GLIS3: variants seen among roughly 807,000 people sequenced by gnomAD.
The protein encoded by GLIS3 is zinc finger protein GLIS3.
GLIS3 carries 53 observed loss-of-function variants against 78.6 expected under a neutral mutation model. The observed-to-expected ratio is 0.67, with a 90% CI of 0.54 to 0.85. The LOEUF (loss-of-function observed/expected upper bound fraction) is 0.85. Ranked by LOEUF, GLIS3 falls within the 40% of genes least tolerant of loss-of-function variation. GLIS3 has a pLI of 0.00. For synonymous variants in GLIS3, 684 were observed against 509.9 expected (o/e 1.34, Z -4.60); for missense variants, 1,703 against 1,231.1 (o/e 1.38, Z -5.74).
chr9:4,353,301 CT>C (rs754733697), upstream of GLIS3, among the ~76,000 whole-genome samples: 1 of 152,154 alleles, frequency 6.6e-6, no homozygotes. Context: ...ACTCCACTGT[CT>C]TTTTTGTGCA....
intron 4 of GLIS3, among the ~76,000 whole-genome samples, chr9:3,997,414 A>G (rs1347913418): frequency 2.0e-5 from 3 of 151,924 alleles, no homozygotes; most frequent in Non-Finnish European, 4.4e-5. Flanking sequence ...GAGTTGTAAC[A>G]TTCAATAAAC....
chr9:3,906,320 T>G (rs1823696057), intron 6 of GLIS3, among the ~76,000 whole-genome samples: 1 of 152,142 alleles, frequency 6.6e-6, no homozygotes, highest in African/African-American at 2.4e-5. Context: ...TACAACAATC[T>G]GGATGAAAGA....
chr9:4,248,097 T>C (rs1823975338), intron 2 of GLIS3, among the ~76,000 whole-genome samples: 1 of 152,210 alleles, frequency 6.6e-6, no homozygotes, highest in South Asian at 2.1e-4. Context: ...TTCAACTTTT[T>C]TCTTATTATA....
At position 4,208,151 on chromosome 9, in the gene GLIS3, T is replaced by G. The variant is rs373075887; in HGVS notation, c.388+77887A>C. ...AGTCCCCTGGGAGAAAAGCTTTTAT[T>G]TGACAAAGCAGATTCTTGCCACACA... On this transcript the variant is annotated intron_variant, in intron 2 of 10. Coordinates refer to ENST00000381971, the MANE Select transcript of GLIS3 (RefSeq NM_001042413.2). Among the ~76,000 whole-genome samples, 8 of 152,336 alleles carry G rather than the reference T, an allele frequency of 5.3e-5. No homozygotes were observed. The East Asian group carries it at 9.6e-4, about 18-fold the overall frequency.
chr9:4,248,962 G>T (rs960491599), intron 2 of GLIS3, among the ~76,000 whole-genome samples: 1 of 152,008 alleles, frequency 6.6e-6, no homozygotes, highest in Non-Finnish European at 1.5e-5. Context: ...TATTTCTGAG[G>T]CCTCTGTTCT....
At chr9:4,230,317 C>T (rs1396903614) in intron 2 of GLIS3, among the ~76,000 whole-genome samples, 4 of 152,160 alleles carry the variant, frequency 2.6e-5, no homozygotes, top group African/African-American at 9.7e-5. Flanking sequence ...AGGCCAGAAG[C>T]AGGCAGGGGC....
intron 2 of GLIS3, among the ~76,000 whole-genome samples, chr9:4,159,357 T>C (rs746095165): frequency 5.8e-4 from 88 of 152,318 alleles, no homozygotes; most frequent in Middle Eastern, 3.4e-3. Context: ...ACCCTTTCTA[T>C]GCAAAGTTAA....
intron 2 of GLIS3, among the ~76,000 whole-genome samples, chr9:4,146,288 T>C (rs987986145): frequency 6.6e-6 from 1 of 152,226 alleles, no homozygotes; most frequent in Non-Finnish European, 1.5e-5. Flanking sequence ...TTTGAAACCG[T>C]TGAATATCTA....
At chr9:3,862,944 G>T (rs1473017050) in intron 8 of GLIS3, among the ~76,000 whole-genome samples, 1 of 152,052 alleles carries the variant, frequency 6.6e-6, no homozygotes. Flanking sequence ...GAATTGTGGG[G>T]TATCATCTGT....
intron 6 of GLIS3, among the ~76,000 whole-genome samples, chr9:3,906,773 C>A (rs1277697300): frequency 6.6e-6 from 1 of 152,214 alleles, no homozygotes; most frequent in Non-Finnish European, 1.5e-5. Flanking sequence ...TCTTCATGTA[C>A]TGCTTAACAC....
At chr9:4,004,131 C>T (rs1277751941) in intron 4 of GLIS3, among the ~76,000 whole-genome samples, 1 of 152,016 alleles carries the variant, frequency 6.6e-6, no homozygotes, top group Non-Finnish European at 1.5e-5. Context: ...CAGACATGAA[C>T]AAATAAATAT....
intron 4 of GLIS3, among the ~76,000 whole-genome samples, chr9:4,032,955 A>G (rs1168032119): frequency 1.3e-5 from 2 of 151,446 alleles, no homozygotes; most frequent in Non-Finnish European, 2.9e-5. Context: ...CCGGGTTCAC[A>G]CCATTCTGCT....
rs1818927724 is a variant in GLIS3 at position 3,977,991 on chromosome 9, C to T, written c.1711-40802G>A. ...CCGCTGGGTGCACCCTCCGCTGCTC[C>T]AAACCTGAGAGACAAATGGGAGGTC... On this transcript the variant is annotated intron_variant, in intron 4 of 10. Transcript: ENST00000381971. The surrounding 1 kb of genome is among the most constrained non-coding windows in gnomAD (Gnocchi z 4.1). Among the ~76,000 whole-genome samples, 5 of 152,216 alleles carry T rather than the reference C, an allele frequency of 3.3e-5. No individual in the cohort carries two copies. Among genetic ancestry groups the T allele is most frequent in the Admixed American group, 1.3e-4 (2 of 15,280 alleles).
At chr9:4,212,882 T>TGC in intron 2 of GLIS3, among the ~76,000 whole-genome samples, 1 of 151,920 alleles carries the variant, frequency 6.6e-6, no homozygotes, top group East Asian at 1.9e-4. Flanking sequence ...CCCTGAGGGG[T>TGC]ATGGGGAGGC....
the GLIS3 span, among the ~76,000 whole-genome samples, chr9:4,388,956 A>G: frequency 2.6e-5 from 4 of 152,158 alleles, no homozygotes. Context: ...CAGAAAGTGA[A>G]GAAAAGGGGA....
chr9:4,410,150 TTTC>T, the GLIS3 span, among the ~76,000 whole-genome samples: 3 of 151,440 alleles, frequency 2.0e-5, no homozygotes, highest in Non-Finnish European at 3.0e-5. Context: ...TTTTTTTTTT[TTTC>T]TTAAGCAGAG....
chr9:4,451,188 G>T, the GLIS3 span, among the ~76,000 whole-genome samples: 1 of 152,000 alleles, frequency 6.6e-6, no homozygotes, highest in Non-Finnish European at 1.5e-5. Flanking sequence ...AAAAAAGCAG[G>T]GGTTGCAATC....
At chr9:3,831,183 C>G (rs1159173168) in intron 9 of GLIS3, among the ~76,000 whole-genome samples, 2 of 152,156 alleles carry the variant, frequency 1.3e-5, no homozygotes, top group East Asian at 3.9e-4. Flanking sequence ...AGATTAAATG[C>G]TTGTTATTAG....
At chr9:3,879,379 G>A in intron 8 of GLIS3, 48 bp downstream of exon 8, 2 of 1,571,018 alleles carry the variant, frequency 1.3e-6, no homozygotes, top group African/African-American at 1.3e-5. Context: ...TCTGTGAAGG[G>A]AGGTTTGGCG....
Sources: gnomAD v4.1 joint callset for allele counts (sites outside exome capture counted in the v4.1 genomes callset) on GRCh38, gnomAD v4.1.1 for gene constraint, Gnocchi (gnomAD v3.1) non-coding constraint, MANE v1.5 for transcripts, NCBI Gene and HGNC (gene_info 2026-07-23, HGNC 2026-07-21) for gene names.